DZIP1: variants seen among roughly 807,000 people sequenced by gnomAD.
The protein encoded by DZIP1 is cilium assembly protein DZIP1.
DZIP1 carries 97 observed loss-of-function variants against 107.6 expected under a neutral mutation model. The ratio of observed to expected loss-of-function variants is 0.90; its 90% confidence interval spans 0.77 to 1.07. The LOEUF (loss-of-function observed/expected upper bound fraction) is 1.07, where lower values mean the gene tolerates loss of function less well. Among genes scored for constraint, DZIP1 ranks in the 50% least tolerant of loss-of-function variants. The pLI, the probability that DZIP1 is intolerant of heterozygous loss-of-function variation, is 0.00. For synonymous variants in DZIP1, 390 were observed against 386.4 expected (o/e 1.01, Z -0.11); for missense variants, 1,035 against 1,063.6 (o/e 0.97, Z 0.37).
At chr13:95,610,829 A>C (rs1306670810) in intron 12 of DZIP1, among the ~76,000 whole-genome samples, 1 of 152,188 alleles carries the variant, frequency 6.6e-6, no homozygotes, top group Non-Finnish European at 1.5e-5. Flanking sequence ...CTGATTTAAA[A>C]AGATGCGTTT....
At position 95,641,209 on chromosome 13, in the gene DZIP1, A is replaced by G; in HGVS notation, c.597+86T>C. ...ATATACAATATAAATCTTTAAGAAG[A>G]AAGAGTGGTGATACGGGACAGGCCT... On this transcript the variant is annotated intron_variant, in intron 5 of 22. Transcript: ENST00000376829. The surrounding 1 kb of genome is among the most constrained non-coding windows in gnomAD (Gnocchi z 4.3). The G allele has an allele frequency of 6.7e-7, 1 of 1,492,572 alleles. No individual in the cohort carries two copies. Among genetic ancestry groups the G allele is most frequent in the South Asian group, 1.4e-5 (1 of 72,834 alleles). 92.5% of individuals were successfully genotyped at this position (1,492,572 alleles called of 1,614,324 possible). A position where few individuals can be genotyped will look rare whatever the true frequency, so the allele number is the denominator to read the frequency against.
At chr13:95,598,596 C>G (rs991460455) in intron 15 of DZIP1, among the ~76,000 whole-genome samples, 1 of 151,772 alleles carries the variant, frequency 6.6e-6, no homozygotes, top group Non-Finnish European at 1.5e-5. Context: ...ATGACAAAAC[C>G]AGAACCCATA....
At position 95,638,199 on chromosome 13, in the gene DZIP1, C is replaced by T. The variant is rs550318244; in HGVS notation, c.597+3096G>A. 8.6e-5 allele frequency among the ~76,000 whole-genome samples: 13 copies of T among 151,214 alleles called. 1 individual carries two copies. Among genetic ancestry groups the T allele is most frequent in the Non-Finnish European group, 4.4e-5 (3 of 67,926 alleles). ...CCACCTCCTGGGTTTAAGTGATTCTCCTGCTTCAGCCTCCCAAGTAGCTGG... is the reference window on the plus strand; with the variant it reads ...CCACCTCCTGGGTTTAAGTGATTCTTCTGCTTCAGCCTCCCAAGTAGCTGG... On this transcript the variant is annotated intron_variant, in intron 5 of 22. Coordinates refer to ENST00000376829, the MANE Select transcript of DZIP1 (RefSeq NM_198968.4).
intron 11 of DZIP1, among the ~76,000 whole-genome samples, chr13:95,611,729 A>T (rs1175869527): frequency 6.6e-6 from 1 of 152,208 alleles, no homozygotes; most frequent in African/African-American, 2.4e-5. Context: ...AAATAAAATA[A>T]CAAAAAATCT....
intron 7 of DZIP1, among the ~76,000 whole-genome samples, chr13:95,626,644 C>T (rs552045461): frequency 1.4e-4 from 21 of 152,180 alleles, no homozygotes; most frequent in Non-Finnish European, 1.9e-4. Flanking sequence ...CCATAAGAAA[C>T]GACTAAAGTA....
chr13:95,633,845 G>A (rs1182747516), intron 5 of DZIP1, among the ~76,000 whole-genome samples: 1 of 152,134 alleles, frequency 6.6e-6, no homozygotes, highest in East Asian at 1.9e-4. Context: ...CCAGCACGAG[G>A]CCGAAGGCAG....
chr13:95,610,522 A>T (rs557886199), intron 12 of DZIP1, among the ~76,000 whole-genome samples: 1 of 151,926 alleles, frequency 6.6e-6, no homozygotes, highest in African/African-American at 2.4e-5. Flanking sequence ...TGCCCAGGCT[A>T]GTCTCGAACT....
At chr13:95,644,217 G>A (rs1257100146) in intron 1 of DZIP1, among the ~76,000 whole-genome samples, 160 bp downstream of exon 1, 2 of 152,252 alleles carry the variant, frequency 1.3e-5, no homozygotes, top group East Asian at 3.9e-4. Context: ...CCCTTCCTTG[G>A]AAGGCAAACA....
At chr13:95,615,814 G>C (rs953877206) in intron 10 of DZIP1, among the ~76,000 whole-genome samples, 1 of 152,210 alleles carries the variant, frequency 6.6e-6, no homozygotes, top group African/African-American at 2.4e-5. Flanking sequence ...CACAGCATCT[G>C]TCTAAGCCCC....
intron 14 of DZIP1, among the ~76,000 whole-genome samples, chr13:95,604,127 G>T (rs1413164338): frequency 6.6e-6 from 1 of 152,148 alleles, no homozygotes; most frequent in Admixed American, 6.5e-5. Flanking sequence ...GCCCAACCCT[G>T]CTTCTCTCAC....
chr13:95,623,633 T>C (rs1876172929), intron 8 of DZIP1, among the ~76,000 whole-genome samples: 1 of 152,202 alleles, frequency 6.6e-6, no homozygotes. Flanking sequence ...CTTCTTTTTT[T>C]CCAATGTTTT....
intron 13 of DZIP1, among the ~76,000 whole-genome samples, chr13:95,607,714 G>A (rs2044828482): frequency 6.6e-6 from 1 of 151,974 alleles, no homozygotes; most frequent in Non-Finnish European, 1.5e-5. Context: ...TCCTGATCTA[G>A]ATATTTTTCC....
chr13:95,600,429 T>A lies in DZIP1; in HGVS notation c.1478-1005A>T, dbSNP rs140387128. 2.4e-4 allele frequency among the ~76,000 whole-genome samples: 37 copies of A among 152,258 alleles called. No individual in the cohort carries two copies. In the East Asian group the frequency reaches 5.6e-3, roughly 23 times the overall value. On this transcript the variant is annotated intron_variant, in intron 14 of 22. Coordinates refer to ENST00000376829, the MANE Select transcript of DZIP1 (RefSeq NM_198968.4). ...AAAATGGCCAACAGTTACCGAGTGCTCACCAGGAGGCTGGGCAGGGATCCA... is the reference window on the plus strand; with the variant it reads ...AAAATGGCCAACAGTTACCGAGTGCACACCAGGAGGCTGGGCAGGGATCCA...
intron 7 of DZIP1, among the ~76,000 whole-genome samples, chr13:95,626,003 G>T (rs553060197): frequency 6.6e-6 from 1 of 151,786 alleles, no homozygotes; most frequent in Non-Finnish European, 1.5e-5. Context: ...ATGGTGGTAC[G>T]TGCCTGTAAT....
intron 10 of DZIP1, among the ~76,000 whole-genome samples, chr13:95,619,169 A>G (rs1875506784): frequency 6.6e-6 from 1 of 152,278 alleles, no homozygotes; most frequent in Non-Finnish European, 1.5e-5. Context: ...GAAAGTCATT[A>G]AAAGTCATGA....
intron 11 of DZIP1, among the ~76,000 whole-genome samples, chr13:95,611,795 C>G (rs1282282032): frequency 2.0e-5 from 3 of 151,738 alleles, no homozygotes; most frequent in African/African-American, 7.2e-5. Flanking sequence ...GAAAGAAATT[C>G]TTACTTACCT....
At chr13:95,598,873 C>A (rs1367879238) in intron 15 of DZIP1, among the ~76,000 whole-genome samples, 1 of 152,102 alleles carries the variant, frequency 6.6e-6, no homozygotes, top group Admixed American at 6.5e-5. Context: ...CCAAATTCCA[C>A]CATAAAAATA....
intron 9 of DZIP1, among the ~76,000 whole-genome samples, chr13:95,620,693 AAC>A (rs1441842162): frequency 6.6e-6 from 1 of 152,226 alleles, no homozygotes; most frequent in East Asian, 1.9e-4. Context: ...CATAGCCAGT[AAC>A]ACTTTATTTG....
At position 95,609,440 on chromosome 13, in the gene DZIP1, CTA is replaced by C. The variant is rs777854846; in HGVS notation, c.1420+15_1420+16del. On this transcript the variant is annotated intron_variant, in intron 13 of 22. Transcript: ENST00000376829. ...TAAAGATACCTTTGGAGCCCTGCAT[CTA>C]TTATAGGAACTTACTAGGCACAGCT... The C allele has an allele frequency of 4.0e-6, 6 of 1,516,274 alleles. No homozygotes were observed. In the South Asian group the frequency reaches 7.9e-5, roughly 20 times the overall value. 93.9% of individuals were successfully genotyped at this position (1,516,274 alleles called of 1,614,324 possible).
Sources: gnomAD v4.1 joint callset for allele counts (sites outside exome capture counted in the v4.1 genomes callset) on GRCh38, gnomAD v4.1.1 for gene constraint, Gnocchi (gnomAD v3.1) non-coding constraint, MANE v1.5 for transcripts, NCBI Gene and HGNC (gene_info 2026-07-23, HGNC 2026-07-21) for gene names.